ZNF804B: variants seen among roughly 807,000 people sequenced by gnomAD.
ZNF804B encodes zinc finger protein 804B.
In ZNF804B, 80 loss-of-function variants were observed where a neutral mutation model predicts 101.4. The observed-to-expected ratio is 0.79, with a 90% confidence interval of 0.66 to 0.95. ZNF804B has a LOEUF of 0.95. Among genes scored for constraint, ZNF804B ranks in the 40% least tolerant of loss-of-function variants. ZNF804B has a pLI of 0.00. For synonymous variants in ZNF804B, 622 were observed against 558.8 expected, an observed-to-expected ratio of 1.11 and a Z score of -1.59; for missense variants, 1,673 against 1,561.9, an observed-to-expected ratio of 1.07 and a Z score of -1.20.
At chr7:88,871,135 T>C (rs1791817546) in intron 1 of ZNF804B, among the ~76,000 whole-genome samples, 1 of 152,198 alleles carries the variant, frequency 6.6e-6, no homozygotes, top group Non-Finnish European at 1.5e-5. Context: ...ATGATTGATA[T>C]GTTGAATTGT....
intron 1 of ZNF804B, among the ~76,000 whole-genome samples, chr7:88,969,001 TTCTC>T (rs753008842): frequency 2.0e-4 from 30 of 151,596 alleles, no homozygotes; most frequent in African/African-American, 3.4e-4. Flanking sequence ...AGTAATTACT[TTCTC>T]TCTGTCAACT....
At chr7:89,054,152 T>C (rs1160985427) in intron 1 of ZNF804B, among the ~76,000 whole-genome samples, 1 of 151,922 alleles carries the variant, frequency 6.6e-6, no homozygotes, top group African/African-American at 2.4e-5. Flanking sequence ...AGTTCATAAG[T>C]AGTTAGCCTG....
At chr7:88,947,772 A>G (rs1471866602) in intron 1 of ZNF804B, among the ~76,000 whole-genome samples, 1 of 151,942 alleles carries the variant, frequency 6.6e-6, no homozygotes, top group African/African-American at 2.4e-5. Flanking sequence ...TCCAAAAGAA[A>G]TCTAAAATCC....
chr7:88,930,378 A>C (rs1792864716), intron 1 of ZNF804B, among the ~76,000 whole-genome samples: 1 of 151,942 alleles, frequency 6.6e-6, no homozygotes, highest in South Asian at 2.1e-4. Flanking sequence ...AGCCAGCTAA[A>C]CCTCCAACAA....
chr7:88,987,119 A>G (rs940215266), intron 1 of ZNF804B, among the ~76,000 whole-genome samples: 1 of 152,140 alleles, frequency 6.6e-6, no homozygotes, highest in African/African-American at 2.4e-5. Flanking sequence ...TTACAATTGC[A>G]TGAAATTTTA....
At position 88,956,313 on chromosome 7, in the gene ZNF804B, T is replaced by A. The variant is rs191644732; in HGVS notation, c.108+196229T>A. Among the ~76,000 whole-genome samples, 190 of 151,650 alleles carry A rather than the reference T, an allele frequency of 1.3e-3. 1 individual carries two copies. The highest frequency in any genetic ancestry group is 2.3e-3 in the South Asian group (11 of 4,826). On this transcript the variant is annotated intron_variant, in intron 1 of 3. Transcript: ENST00000333190. ...TGTTTATTGCACCACTATTAACAAT[T>A]GCCAAGATATGGAATCAATCTAAGT...
intron 1 of ZNF804B, among the ~76,000 whole-genome samples, chr7:89,052,925 C>T (rs7809717): frequency 0.77 from 116,527 of 152,098 alleles, 44,704 homozygotes; most frequent in African/African-American, 0.79. Flanking sequence ...ATTTTTCTGT[C>T]ACCTAGTTAG....
chr7:89,031,632 C>G (rs1278803206), intron 1 of ZNF804B, among the ~76,000 whole-genome samples: 3 of 150,288 alleles, frequency 2.0e-5, no homozygotes, highest in African/African-American at 7.3e-5. Context: ...GTGGAAAAGG[C>G]AAATATTTTC....
chr7:89,153,173 A>G (rs1790904024), intron 1 of ZNF804B, among the ~76,000 whole-genome samples: 1 of 151,982 alleles, frequency 6.6e-6, no homozygotes, highest in Admixed American at 6.6e-5. Context: ...TCATAGTTCT[A>G]GCAGAATGAG....
At chr7:89,095,934 G>A (rs933968094) in intron 1 of ZNF804B, among the ~76,000 whole-genome samples, 1 of 151,966 alleles carries the variant, frequency 6.6e-6, no homozygotes, top group African/African-American at 2.4e-5. Context: ...GGCGGATCAC[G>A]AGGTCAGGAG....
At chr7:88,922,783 A>G (rs1792737643) in intron 1 of ZNF804B, among the ~76,000 whole-genome samples, 2 of 152,064 alleles carry the variant, frequency 1.3e-5, no homozygotes, top group Non-Finnish European at 2.9e-5. Context: ...AAAGGCCAAC[A>G]TGAGATGCTG....
intron 1 of ZNF804B, among the ~76,000 whole-genome samples, chr7:88,774,235 C>T (rs750867028): frequency 2.1e-5 from 3 of 141,390 alleles, no homozygotes; most frequent in Non-Finnish European, 3.0e-5. Flanking sequence ...TTTGAAACTT[C>T]GGCCACCTCC....
At position 89,039,066 on chromosome 7, in the gene ZNF804B, C is replaced by T. The variant is rs573701818; in HGVS notation, c.109-179089C>T. ...TGCCAATATCACGACATTTTGATTA[C>T]GGTACCTTTGTAGTGTATTTTAAAA... On this transcript the variant is annotated intron_variant, in intron 1 of 3. Transcript: ENST00000333190. 1.1e-4 allele frequency among the ~76,000 whole-genome samples: 16 copies of T among 152,010 alleles called. No homozygotes were observed. The East Asian group carries it at 1.9e-3, about 18-fold the overall frequency.
chr7:89,245,571 T>C (rs1438903031), intron 2 of ZNF804B, among the ~76,000 whole-genome samples: 1 of 152,176 alleles, frequency 6.6e-6, no homozygotes, highest in Non-Finnish European at 1.5e-5. Flanking sequence ...GAATTACACC[T>C]AAAATTTCAT....
At chr7:88,798,881 C>G (rs960970926) in intron 1 of ZNF804B, among the ~76,000 whole-genome samples, 12 of 152,048 alleles carry the variant, frequency 7.9e-5, no homozygotes, top group African/African-American at 2.9e-4. Flanking sequence ...CAAGAGAACT[C>G]TTCTATCTGT....
At chr7:89,219,637 C>G (rs895518882) in intron 2 of ZNF804B, among the ~76,000 whole-genome samples, 1 of 151,070 alleles carries the variant, frequency 6.6e-6, no homozygotes, top group South Asian at 2.1e-4. Context: ...TAAATACCAC[C>G]GACTGAGAAA....
At position 89,258,899 on chromosome 7, in the gene ZNF804B, T is replaced by C. The variant is rs559599965; in HGVS notation, c.249+40604T>C. On this transcript the variant is annotated intron_variant, in intron 2 of 3. Transcript: ENST00000333190. ...CTGAGAAGGAAATAGGATGAAATAG[T>C]GAAGGAGGTGGAAGAGGAGGCAGGA... 3.7e-4 allele frequency among the ~76,000 whole-genome samples: 56 copies of C among 152,234 alleles called. 1 individual carries two copies. In the South Asian group the frequency reaches 9.9e-3, roughly 27 times the overall value.
At chr7:89,273,428 T>C (rs1274879082) in intron 2 of ZNF804B, among the ~76,000 whole-genome samples, 1 of 152,172 alleles carries the variant, frequency 6.6e-6, no homozygotes, top group Non-Finnish European at 1.5e-5. Context: ...GTTAAATGTT[T>C]TATTTTGTTA....
chr7:89,059,384 C>A (rs1453828518), intron 1 of ZNF804B, among the ~76,000 whole-genome samples: 1 of 152,072 alleles, frequency 6.6e-6, no homozygotes, highest in Admixed American at 6.6e-5. Context: ...AGGAAGCTTA[C>A]AATAATGGTG....
Sources: allele counts gnomAD v4.1 joint callset (sites outside exome capture counted in the v4.1 genomes callset), GRCh38; gene constraint gnomAD v4.1.1; transcripts MANE v1.5; gene names NCBI Gene and HGNC (gene_info 2026-07-23, HGNC 2026-07-21).